POLR1D: variants seen among roughly 807,000 people sequenced by gnomAD.
POLR1D encodes the protein DNA-directed RNA polymerases I and III subunit RPAC2.
Under a neutral mutation model 10.8 loss-of-function variants are expected in POLR1D, and 8 were observed. The ratio of observed to expected loss-of-function variants is 0.74; its 90% CI spans 0.43 to 1.33. The LOEUF is 1.33. POLR1D is among the 40% of genes most tolerant of loss of function. The pLI, the probability that POLR1D is intolerant of heterozygous loss-of-function variation, is 0.01. For synonymous variants in POLR1D, 54 were observed against 57.2 expected, an observed-to-expected ratio of 0.94 and a Z score of 0.25; for missense variants, 152 against 161.7, an observed-to-expected ratio of 0.94 and a Z score of 0.32.
At chr13:27,662,824 A>G (rs1054551082) in intron 2 of POLR1D, among the ~76,000 whole-genome samples, 1 of 152,214 alleles carries the variant, frequency 6.6e-6, no homozygotes, top group Non-Finnish European at 1.5e-5. Flanking sequence ...TGTTCTGAGT[A>G]CTTTACATGT....
chr13:27,658,502 A>G (rs910510176), intron 2 of POLR1D, among the ~76,000 whole-genome samples: 2 of 152,076 alleles, frequency 1.3e-5, no homozygotes, highest in African/African-American at 2.4e-5. Context: ...AAGACCTTTT[A>G]TTTGCTTTAA....
intron 1 of POLR1D, among the ~76,000 whole-genome samples, chr13:27,628,982 ATTGT>A (rs200976366): frequency 0.021 from 3,239 of 152,038 alleles, 44 homozygotes; most frequent in South Asian, 0.057. Context: ...TGCCTGGCTA[ATTGT>A]TTGTTTTTGT....
At chr13:27,642,673 A>G (rs1182197353) in intron 1 of POLR1D, among the ~76,000 whole-genome samples, 1 of 152,202 alleles carries the variant, frequency 6.6e-6, no homozygotes, top group Non-Finnish European at 1.5e-5. Context: ...AGAGAAAACT[A>G]GGTTGAAAAA....
At position 27,660,251 on chromosome 13, in the gene POLR1D, T is replaced by G. The variant is rs540345395; in HGVS notation, c.102-5435T>G. Among the ~76,000 whole-genome samples the G allele has an allele frequency of 9.2e-5, 14 of 152,290 alleles. 1 individual carries two copies. Among genetic ancestry groups the G allele is most frequent in the African/African-American group, 2.6e-4 (11 of 41,544 alleles). On this transcript the variant is annotated intron_variant, in intron 2 of 2. Coordinates refer to the POLR1D transcript ENST00000399697. ...TCAAGATAAAAAATATTCCCCTTGTTTCATGCAGAGTTGGGAGAGTTAGGC... is the reference window on the plus strand; with the variant it reads ...TCAAGATAAAAAATATTCCCCTTGTGTCATGCAGAGTTGGGAGAGTTAGGC...
At chr13:27,622,321 T>C in intron 1 of POLR1D, 1 of 494,884 alleles carries the variant, frequency 2.0e-6, no homozygotes, top group Non-Finnish European at 3.6e-6. Flanking sequence ...CCTCTGTCCC[T>C]GTAACTACGG....
intron 1 of POLR1D, 84 bp from the exon 2 acceptor site, chr13:27,622,791 G>A: frequency 3.7e-6 from 3 of 819,548 alleles, no homozygotes; most frequent in Admixed American, 2.1e-5. Context: ...ATAATGTGTT[G>A]CAATGTGATA....
intron 2 of POLR1D, among the ~76,000 whole-genome samples, chr13:27,654,865 TTTTACTTGTTGCTTTTGC>T (rs1242176331): frequency 2.0e-5 from 3 of 152,324 alleles, no homozygotes; most frequent in East Asian, 1.9e-4. Context: ...CTTGCCACTG[TTTTACTTGTTGCTTTTGC>T]ACCATCAGTG....
At chr13:27,664,038 C>G (rs751764229) in intron 2 of POLR1D, among the ~76,000 whole-genome samples, 8 of 152,124 alleles carry the variant, frequency 5.3e-5, no homozygotes, top group Non-Finnish European at 1.0e-4. Context: ...TGTTCTGAAT[C>G]ATTGCTGAGT....
At chr13:27,657,638 G>A (rs1376389574) in intron 2 of POLR1D, among the ~76,000 whole-genome samples, 1 of 152,146 alleles carries the variant, frequency 6.6e-6, no homozygotes, top group Non-Finnish European at 1.5e-5. Context: ...TTGTTTGTTT[G>A]TTAGTTTTTT....
At chr13:27,621,881 C>T, upstream of POLR1D, 5 of 1,252,856 alleles carry the variant, frequency 4.0e-6, no homozygotes, top group South Asian at 2.6e-5. Context: ...CCGCGCCTTC[C>T]GTCGGTCGGT....
At chr13:27,643,408 G>T (rs1435614797) in intron 1 of POLR1D, among the ~76,000 whole-genome samples, 1 of 152,086 alleles carries the variant, frequency 6.6e-6, no homozygotes, top group Non-Finnish European at 1.5e-5. Flanking sequence ...CAGACAATCT[G>T]ATATTTTACT....
chr13:27,656,953 A>G (rs1956313247), intron 2 of POLR1D, among the ~76,000 whole-genome samples: 1 of 152,226 alleles, frequency 6.6e-6, no homozygotes, highest in East Asian at 1.9e-4. Context: ...TTGTGAGAAA[A>G]TATCTACTAT....
At chr13:27,648,445 C>T in exon 2 of POLR1D, 1 of 1,605,816 alleles carries the variant, frequency 6.2e-7, no homozygotes, top group East Asian at 2.2e-5. Flanking sequence ...CAATGGGACC[C>T]ATGGGTTGGT....
At chr13:27,651,782 A>G (rs7336858) in intron 2 of POLR1D, among the ~76,000 whole-genome samples, 7,402 of 152,260 alleles carry the variant, frequency 0.049, 273 homozygotes, top group South Asian at 0.12. Flanking sequence ...GAGAACCACT[A>G]TTATAAGACA....
At chr13:27,622,367 C>T in intron 1 of POLR1D, 1 of 380,948 alleles carries the variant, frequency 2.6e-6, no homozygotes, top group Non-Finnish European at 4.8e-6. Flanking sequence ...GCTCCTAAAG[C>T]CACTCTGTGC....
intron 1 of POLR1D, among the ~76,000 whole-genome samples, chr13:27,636,823 C>T (rs1956129105): frequency 1.3e-5 from 2 of 152,116 alleles, no homozygotes; most frequent in African/African-American, 4.8e-5. Flanking sequence ...AGCATTGCTC[C>T]ATCCAATTAA....
chr13:27,659,925 TACACACACATACAC>T (rs1437315894), intron 2 of POLR1D, among the ~76,000 whole-genome samples: 1 of 149,384 alleles, frequency 6.7e-6, no homozygotes, highest in Non-Finnish European at 1.5e-5. Context: ...TATATATATA[TACACACACATACAC>T]ACACACACAT....
intron 1 of POLR1D, 170 bp downstream of exon 1, chr13:27,622,179 G>A: frequency 1.5e-6 from 1 of 655,844 alleles, no homozygotes; most frequent in South Asian, 1.8e-5. Flanking sequence ...GAGGCTGAGA[G>A]GTACACTAGC....
intron 2 of POLR1D, chr13:27,650,191 G>A: frequency 5.0e-6 from 2 of 396,570 alleles, no homozygotes; most frequent in East Asian, 7.1e-5. Flanking sequence ...AAGCAAGGAA[G>A]CTCATCTGCG....
Sources: allele counts gnomAD v4.1 joint callset (sites outside exome capture counted in the v4.1 genomes callset), GRCh38; gene constraint gnomAD v4.1.1; transcripts MANE v1.5; gene names NCBI Gene and HGNC (gene_info 2026-07-23, HGNC 2026-07-21).